Variants in CPQ observed in about 807,000 individuals in gnomAD.
The protein encoded by CPQ is Ser-Met dipeptidase.
CPQ carries 37 observed loss-of-function variants against 45.7 expected under a neutral mutation model. The observed-to-expected ratio is 0.81, with a 90% CI of 0.62 to 1.07. The LOEUF is 1.07. CPQ is among the 50% of genes least tolerant of loss of function. CPQ has a pLI of 0.00. For synonymous variants in CPQ, 186 were observed against 205.8 expected (o/e 0.90, Z 0.82); for missense variants, 537 against 572.9 (o/e 0.94, Z 0.64).
chr8:97,044,012 T>C (rs1446260054), intron 6 of CPQ, among the ~76,000 whole-genome samples: 2 of 152,228 alleles, frequency 1.3e-5, no homozygotes, highest in Non-Finnish European at 1.5e-5. Context: ...CTATATTTCC[T>C]GAATCTGAAT....
At chr8:96,926,580 T>TCTTCTC (rs1812885431) in intron 4 of CPQ, among the ~76,000 whole-genome samples, 1 of 95,748 alleles carries the variant, frequency 1.0e-5, no homozygotes, top group Non-Finnish European at 2.4e-5. Context: ...CTCTTCCTCT[T>TCTTCTC]CTTCTTCTTC....
chr8:96,822,078 G>A (rs1234799278), intron 2 of CPQ, among the ~76,000 whole-genome samples: 1 of 151,702 alleles, frequency 6.6e-6, no homozygotes, highest in African/African-American at 2.4e-5. Context: ...CTCATCTCTG[G>A]TAATCATTAT....
intron 3 of CPQ, 100 bp from the exon 4 acceptor site, chr8:96,879,697 CA>C (rs1419119443): frequency 1.3e-6 from 1 of 766,610 alleles, no homozygotes; most frequent in Non-Finnish European, 2.2e-6. Flanking sequence ...CAGATGCAAA[CA>C]AAGATAAGTG....
chr8:96,740,370 G>A (rs910911582), intron 1 of CPQ, among the ~76,000 whole-genome samples: 70 of 152,218 alleles, frequency 4.6e-4, no homozygotes, highest in Middle Eastern at 3.4e-3. Context: ...GGGCTGAGAA[G>A]ATGGGGTTTT....
chr8:97,047,479 G>T (rs191194974), intron 6 of CPQ, among the ~76,000 whole-genome samples: 2 of 152,288 alleles, frequency 1.3e-5, no homozygotes, highest in Non-Finnish European at 2.9e-5. Flanking sequence ...CATATAGCAT[G>T]GTATCAATTC....
intron 1 of CPQ, among the ~76,000 whole-genome samples, chr8:96,645,759 C>T (rs1470038103): frequency 2.0e-5 from 3 of 151,880 alleles, no homozygotes; most frequent in Non-Finnish European, 4.4e-5. Context: ...CAAGCCGCCC[C>T]CTTCATCCCC....
chr8:96,770,843 TTGAAA>T (rs1194719278), intron 1 of CPQ, among the ~76,000 whole-genome samples: 1 of 148,938 alleles, frequency 6.7e-6, no homozygotes, highest in African/African-American at 2.4e-5. Flanking sequence ...TGAATTAGTT[TTGAAA>T]GGCTCTAGCA....
At chr8:97,119,014 C>T (rs1340918792) in intron 7 of CPQ, among the ~76,000 whole-genome samples, 1 of 152,038 alleles carries the variant, frequency 6.6e-6, no homozygotes, top group East Asian at 1.9e-4. Flanking sequence ...AATATTTAGT[C>T]TCTGACCCTG....
intron 3 of CPQ, among the ~76,000 whole-genome samples, chr8:96,867,304 CA>C (rs1331106530): frequency 6.6e-6 from 1 of 152,008 alleles, no homozygotes; most frequent in Non-Finnish European, 1.5e-5. Flanking sequence ...CAAAGCTCAG[CA>C]ACAGAATCAA....
At chr8:96,746,356 G>A (rs1301970288) in intron 1 of CPQ, among the ~76,000 whole-genome samples, 1 of 152,122 alleles carries the variant, frequency 6.6e-6, no homozygotes, top group East Asian at 1.9e-4. Context: ...TTTTACAGAT[G>A]GTATTTAGTA....
chr8:96,936,579 A>T (rs550979753), intron 4 of CPQ, among the ~76,000 whole-genome samples: 1 of 152,202 alleles, frequency 6.6e-6, no homozygotes, highest in Non-Finnish European at 1.5e-5. Context: ...CCAAGTGCTG[A>T]TTAACTCAAC....
At chr8:96,697,523 G>A (rs1338392374) in intron 1 of CPQ, among the ~76,000 whole-genome samples, 1 of 152,034 alleles carries the variant, frequency 6.6e-6, no homozygotes, top group African/African-American at 2.4e-5. Context: ...AATTAGACAA[G>A]AGAAAGAAAT....
chr8:96,777,085 T>G (rs980999917), intron 1 of CPQ, among the ~76,000 whole-genome samples: 5 of 152,132 alleles, frequency 3.3e-5, no homozygotes, highest in African/African-American at 1.2e-4. Context: ...ATTAGTTTAT[T>G]AGTATTTCAG....
chr8:96,970,651 C>T (rs974071979), intron 5 of CPQ, among the ~76,000 whole-genome samples: 2 of 151,890 alleles, frequency 1.3e-5, no homozygotes, highest in African/African-American at 4.8e-5. Flanking sequence ...GCAAGCTCCG[C>T]CTCCCGGGTT....
chr8:96,980,520 A>G (rs1813874762), intron 5 of CPQ, among the ~76,000 whole-genome samples: 1 of 152,222 alleles, frequency 6.6e-6, no homozygotes, highest in Non-Finnish European at 1.5e-5. Flanking sequence ...ATTTGAAATA[A>G]TATACACAGT....
intron 2 of CPQ, among the ~76,000 whole-genome samples, chr8:96,832,076 T>C (rs1322169309): frequency 6.6e-6 from 1 of 152,176 alleles, no homozygotes; most frequent in African/African-American, 2.4e-5. Flanking sequence ...TTTGTGGTAC[T>C]GTTGTCAGTT....
intron 2 of CPQ, among the ~76,000 whole-genome samples, chr8:96,800,855 G>C (rs2037051346): frequency 6.6e-6 from 1 of 152,118 alleles, no homozygotes; most frequent in Non-Finnish European, 1.5e-5. Flanking sequence ...AGTGAGAAAT[G>C]GGGATAAAAG....
At position 96,673,941 on chromosome 8, in the gene CPQ, C is replaced by T. The variant is rs552982780; in HGVS notation, c.-35+28539C>T. ...AAGAGAAATGAAAAACAAATAAACCCGTGACAAGACTTTTCTATTACTTGT... is the reference window on the plus strand; with the variant it reads ...AAGAGAAATGAAAAACAAATAAACCTGTGACAAGACTTTTCTATTACTTGT... On this transcript the variant is annotated intron_variant, in intron 1 of 7. Transcript: ENST00000220763. 9.9e-5 allele frequency among the ~76,000 whole-genome samples: 15 copies of T among 151,926 alleles called. No individual in the cohort carries two copies. The South Asian group carries it at 2.5e-3, about 25-fold the overall frequency.
At chr8:97,116,834 A>G (rs1201986893) in intron 7 of CPQ, among the ~76,000 whole-genome samples, 1 of 152,240 alleles carries the variant, frequency 6.6e-6, no homozygotes, top group Non-Finnish European at 1.5e-5. Context: ...AAAGGTAGAT[A>G]ATAGGAGGCC....
Sources: allele counts gnomAD v4.1 joint callset (sites outside exome capture counted in the v4.1 genomes callset), GRCh38; gene constraint gnomAD v4.1.1; transcripts MANE v1.5; gene names NCBI Gene and HGNC (gene_info 2026-07-23, HGNC 2026-07-21).